The following PRR14 variants were observed in gnomAD, a reference collection of about 807,000 sequenced individuals.
The protein encoded by PRR14 is proline-rich protein 14.
In PRR14, 33 loss-of-function variants were observed where a neutral mutation model predicts 57.2. The ratio of observed to expected loss-of-function variants is 0.58; its 90% confidence interval spans 0.44 to 0.77. The LOEUF (loss-of-function observed/expected upper bound fraction) is 0.77, where lower values mean the gene tolerates loss of function less well. Ranked by LOEUF, PRR14 falls within the 30% of genes least tolerant of loss-of-function variation. PRR14 has a pLI of 0.00. For synonymous variants in PRR14, 303 were observed against 314.7 expected, an observed-to-expected ratio of 0.96 and a Z score of 0.39; for missense variants, 716 against 788.1, an observed-to-expected ratio of 0.91 and a Z score of 1.10.
At position 30,656,205 on chromosome 16, in the gene PRR14, C is replaced by T. The variant is rs1179927829; in HGVS notation, c.1652C>T (p.Ala551Val). ...AGGRTVPPNV[A>V]PSPDVGPLLQ... is the part of the protein sequence containing the mutation. ...GGCAGGACTGTTCCTCCCAATGTGG[C>T]CCCCAGCCCTGATGTGGGCCCCCTG... The change falls in exon 12 of 12, where the codon GCC becomes GTC. Residue 551 changes from alanine to valine, a missense_variant. Coordinates refer to ENST00000300835, the MANE Select transcript of PRR14 (RefSeq NM_024031.5). The T allele has an allele frequency of 1.2e-6, 2 of 1,611,866 alleles. No homozygotes were observed. Among genetic ancestry groups the T allele is most frequent in the Non-Finnish European group, 1.7e-6 (2 of 1,179,308 alleles).
Position 30,652,759 on chromosome 16 carries a change from G to C in PRR14, c.231G>C (p.Gln77His), listed in dbSNP as rs748595057. 6.2e-7 allele frequency: 1 copy of C among 1,614,160 alleles called. No individual in the cohort carries two copies. Among genetic ancestry groups the C allele is most frequent in the Non-Finnish European group, 8.5e-7 (1 of 1,180,032 alleles). The change falls in exon 4 of 12, where the codon CAG becomes CAC. Residue 77 changes from glutamine to histidine, a missense_variant. Transcript: ENST00000300835. ...VVPSKQTSIP[Q>H]HHSYHQDPVH... The stretch of plus-strand genomic sequence containing the variant: ...CCTCAAAGCAGACCTCCATACCACA[G>C]CACCACAGCTACCATCAGGATCCTG...
At position 30,656,204 on chromosome 16, in the gene PRR14, GC is replaced by G; in HGVS notation, c.1656del (p.Ser553AlafsTer15). On this transcript the variant is annotated frameshift_variant, in exon 12 of 12. Transcript: ENST00000300835. LOFTEE classifies it low-confidence loss of function (END_TRUNC). ...AGGRTVPPNV[A>X]PSPDVGPLLQ... ...GGGCAGGACTGTTCCTCCCAATGTGGCCCCCAGCCCTGATGTGGGCCCCCTG... is the reference window on the plus strand; with the variant it reads ...GGGCAGGACTGTTCCTCCCAATGTGGCCCCAGCCCTGATGTGGGCCCCCTG... 1 of 1,612,072 alleles carries G rather than the reference GC, an allele frequency of 6.2e-7. No individual in the cohort carries two copies. Among genetic ancestry groups the G allele is most frequent in the Non-Finnish European group, 8.5e-7 (1 of 1,179,382 alleles).
chr16:30,651,671 G>A lies in PRR14; in HGVS notation c.23+3G>A. 1 of 1,611,700 alleles carries A rather than the reference G, an allele frequency of 6.2e-7. No individual in the cohort carries two copies. Among genetic ancestry groups the A allele is most frequent in the Non-Finnish European group, 8.5e-7 (1 of 1,179,508 alleles). On this transcript the variant is annotated splice_donor_region_variant and intron_variant, in intron 2 of 11. Transcript: ENST00000300835. This position sits in a 1 kb window ranked among gnomAD's most constrained non-coding sequence, Gnocchi z 5.0. ...ATGGACTTGCCCGGGGACTCCAGGT[G>A]AGAGCGTACCCGGGCGGCCCGCCTG...
Position 30,653,093 on chromosome 16 carries a change from C to T in PRR14, c.494C>T (p.Pro165Leu). 4 of 1,605,452 alleles carry T rather than the reference C, an allele frequency of 2.5e-6. No individual in the cohort carries two copies. In the Middle Eastern group the frequency reaches 5.0e-4, roughly 201 times the overall value. The change falls in exon 5 of 12, where the codon CCC becomes CTC. Residue 165 changes from proline to leucine, a missense_variant. Pro to Leu is a moderately conservative substitution (Grantham distance 98). Coordinates refer to ENST00000300835, the MANE Select transcript of PRR14 (RefSeq NM_024031.5). ...VMLEDIASPR[P>L]PAEGFIDETP... is the part of the protein sequence containing the mutation. ...CTGGAAGACATCGCCAGTCCTAGAC[C>T]CCCCGCTGAGGTATGGGAACTGAGG...
chr16:30,656,300 C>T lies in PRR14; in HGVS notation c.1747C>T (p.His583Tyr). ...EEETVDREQPHWT is the reference protein window; with the variant it reads ...EEETVDREQPYWT ...AGAAACAGTAGATCGGGAGCAGCCC[C>T]ACTGGACCTAGGTGCCCCATCTGTT... Residue 583 changes from histidine to tyrosine, a missense_variant, in exon 12 of 12, where the codon CAC (histidine) becomes TAC (tyrosine). Transcript: ENST00000300835. 1 of 1,611,896 alleles carries T rather than the reference C, an allele frequency of 6.2e-7. No homozygotes were observed. Among genetic ancestry groups the T allele is most frequent in the South Asian group, 1.1e-5 (1 of 90,996 alleles).
chr16:30,651,575 C>T lies in PRR14; in HGVS notation c.-50-21C>T. 9.6e-7 allele frequency: 1 copy of T among 1,044,806 alleles called. No individual in the cohort carries two copies. Among genetic ancestry groups the T allele is most frequent in the Non-Finnish European group, 1.4e-6 (1 of 738,820 alleles). 64.7% of individuals were successfully genotyped at this position (1,044,806 alleles called of 1,614,324 possible). A position where few individuals can be genotyped will look rare whatever the true frequency, so the allele number is the denominator to read the frequency against. On this transcript the variant is annotated intron_variant, in intron 1 of 11. Transcript: ENST00000300835. The surrounding 1 kb of genome is among the most constrained non-coding windows in gnomAD (Gnocchi z 5.0). ...GGGGCCGGCCCTCACCCCCCGCTCC[C>T]CCGCTCCCCCCTTACCCCAGGCCGC...
chr16:30,653,000 C>A lies in PRR14; in HGVS notation c.401C>A (p.Thr134Asn), dbSNP rs1207598383. The A allele has an allele frequency of 1.7e-5, 27 of 1,614,158 alleles. No homozygotes were observed. The highest frequency in any genetic ancestry group is 2.1e-5 in the Non-Finnish European group (25 of 1,180,012). ...ACCCTGAGGCGGCGATCAAGGACAA[C>A]CCCTGGCCCAGAGGAGGGCCCTTCA... ...SSTLRRRSRT[T>N]PGPEEGPSQK... Residue 134 changes from threonine (T) to asparagine (N), a missense_variant, in exon 5 of 12, where the codon ACC (threonine) becomes AAC (asparagine). Coordinates refer to ENST00000300835, the MANE Select transcript of PRR14 (RefSeq NM_024031.5).
chr16:30,655,133 G>T lies in PRR14; in HGVS notation c.1163G>T (p.Gly388Val). 1.2e-6 allele frequency: 2 copies of T among 1,610,676 alleles called. No homozygotes were observed. Among genetic ancestry groups the T allele is most frequent in the South Asian group, 1.1e-5 (1 of 90,970 alleles). The change falls in exon 8 of 12, where the codon GGA (glycine) becomes GTA (valine). Residue 388 changes from glycine to valine, a missense_variant. By Grantham distance (109) the Gly-to-Val change is moderately radical. Transcript: ENST00000300835. The surrounding 1 kb of genome is among the most constrained non-coding windows in gnomAD (Gnocchi z 4.6). Reference protein sequence around the residue: ...PCLRKEVFPLGGVGASPSLTT... With the variant: ...PCLRKEVFPLVGVGASPSLTT... ...CTCCGGAAAGAGGTCTTCCCTCTCGGAGGAGTGGGAGCCTCCCCTTCTCTC... is the reference window on the plus strand; with the variant it reads ...CTCCGGAAAGAGGTCTTCCCTCTCGTAGGAGTGGGAGCCTCCCCTTCTCTC...
chr16:30,650,820 G>A (rs1596602107), upstream of PRR14: 1 of 317,566 alleles, frequency 3.1e-6, no homozygotes, highest in Non-Finnish European at 6.7e-6. Context: ...AGCAGCCCTT[G>A]GGGGAGGGCA....
rs1409763519 is a variant in PRR14 at position 30,654,779 on chromosome 16, C to T, written c.809C>T (p.Thr270Ile). Reference sequence around the variant, plus strand: ...GACATCTTCCTCACGCCCAACAAAACCCCACAGCCCCCACCCCCGTCCCCC... The same window carrying T: ...GACATCTTCCTCACGCCCAACAAAATCCCACAGCCCCCACCCCCGTCCCCC... ...FADIFLTPNK[T>I]PQPPPPSPPM... The change falls in exon 8 of 12, where the codon ACC (threonine) becomes ATC (isoleucine). Residue 270 changes from threonine to isoleucine, a missense_variant. Coordinates refer to ENST00000300835, the MANE Select transcript of PRR14 (RefSeq NM_024031.5). 1 of 1,609,586 alleles carries T rather than the reference C, an allele frequency of 6.2e-7. No homozygotes were observed. Among genetic ancestry groups the T allele is most frequent in the Admixed American group, 1.7e-5 (1 of 59,964 alleles).
Position 30,656,067 on chromosome 16 carries a change from G to T in PRR14, c.1514G>T (p.Arg505Leu). The part of the protein sequence containing the change: ...FETIFEEPRE[R>L]NGTLIFTSSR... ...ACCATCTTTGAGGAACCCCGGGAGCGCAATGGGACTCTGATTTTCACCAGC... is the reference window on the plus strand; with the variant it reads ...ACCATCTTTGAGGAACCCCGGGAGCTCAATGGGACTCTGATTTTCACCAGC... The change falls in exon 12 of 12, where the codon CGC (arginine) becomes CTC (leucine). Residue 505 changes from arginine to leucine, a missense_variant. By Grantham distance (102) the Arg-to-Leu change is moderately radical. Transcript: ENST00000300835. 1 of 1,551,182 alleles carries T rather than the reference G, an allele frequency of 6.4e-7. No individual in the cohort carries two copies. The highest frequency in any genetic ancestry group is 2.2e-5 in the East Asian group (1 of 44,458).
rs774794200 is a variant in PRR14, at chr16:30,655,113, G to A, written c.1143G>A (p.Arg381=). The A allele has an allele frequency of 1.2e-6, 2 of 1,611,868 alleles. No homozygotes were observed. The highest frequency in any genetic ancestry group is 1.7e-5 in the Admixed American group (1 of 59,992). Residue 381 remains arginine, a synonymous_variant, in exon 8 of 12, where the codon CGG becomes CGA. Coordinates refer to ENST00000300835, the MANE Select transcript of PRR14 (RefSeq NM_024031.5). The surrounding 1 kb of genome is among the most constrained non-coding windows in gnomAD (Gnocchi z 4.6). The part of the protein sequence containing the change: ...RAPPPPRPCL[R]KEVFPLGGVG... ...CGCCACCCCCTCGGCCCTGTCTCCG[G>A]AAAGAGGTCTTCCCTCTCGGAGGAG...
At position 30,651,630 on chromosome 16, in the gene PRR14, A is replaced by T; in HGVS notation, c.-16A>T. 1 of 1,385,018 alleles carries T rather than the reference A, an allele frequency of 7.2e-7. No individual in the cohort carries two copies. The highest frequency in any genetic ancestry group is 9.6e-7 in the Non-Finnish European group (1 of 1,039,334). 85.8% of individuals were successfully genotyped at this position (1,385,018 alleles called of 1,614,324 possible). On this transcript the variant is annotated 5_prime_UTR_variant, in exon 2 of 12. Coordinates refer to ENST00000300835, the MANE Select transcript of PRR14 (RefSeq NM_024031.5). This position sits in a 1 kb window ranked among gnomAD's most constrained non-coding sequence, Gnocchi z 5.0. Reference sequence around the variant, plus strand: ...TGGGATTCCCCAGGGACCCCCCCGGAGCCGCCGCGTCTCCCATGGACTTGC... The same window carrying T: ...TGGGATTCCCCAGGGACCCCCCCGGTGCCGCCGCGTCTCCCATGGACTTGC...
Position 30,654,340 on chromosome 16 carries a change from G to A in PRR14, c.658+1G>A. The A allele has an allele frequency of 6.2e-7, 1 of 1,608,780 alleles. No homozygotes were observed. The highest frequency in any genetic ancestry group is 8.5e-7 in the Non-Finnish European group (1 of 1,175,136). ...GACCCTCTGGAGAGCCCACCAACAG[G>A]TAAGGACTTGGGTAGAGATCGGATG... On this transcript the variant is annotated splice_donor_variant, in intron 7 of 11. Transcript: ENST00000300835. LOFTEE classifies it high-confidence loss of function.
Position 30,655,233 on chromosome 16 carries a change from C to T in PRR14, c.1244+19C>T. 2.5e-6 allele frequency: 4 copies of T among 1,589,590 alleles called. No homozygotes were observed. The highest frequency in any genetic ancestry group is 3.4e-6 in the Non-Finnish European group (4 of 1,165,788). On this transcript the variant is annotated intron_variant, in intron 8 of 11. Coordinates refer to ENST00000300835, the MANE Select transcript of PRR14 (RefSeq NM_024031.5). This position sits in a 1 kb window ranked among gnomAD's most constrained non-coding sequence, Gnocchi z 4.6. Reference sequence around the variant, plus strand: ...AACCCAGGTAGTGCTCTCAAAAAACCCCCTTGAAGCCTGGCTGCAGCCTGG... The same window carrying T: ...AACCCAGGTAGTGCTCTCAAAAAACTCCCTTGAAGCCTGGCTGCAGCCTGG...
At position 30,654,236 on chromosome 16, in the gene PRR14, G is replaced by A; in HGVS notation, c.555G>A (p.Glu185=). The stretch of plus-strand genomic sequence containing the variant: ...ACCTTGCCCTTCACCCCAGAGCTGA[G>A]CCCATGAGGATAGTTCGCCAGCCAA... ...PNFIIPAQRA[E]PMRIVRQPTP... is the part of the protein sequence containing the mutation. Residue 185 remains glutamate (E), a synonymous_variant, in exon 7 of 12, where the codon GAG becomes GAA. Transcript: ENST00000300835. The A allele has an allele frequency of 6.2e-7, 1 of 1,613,826 alleles. No individual in the cohort carries two copies. Among genetic ancestry groups the A allele is most frequent in the Non-Finnish European group, 8.5e-7 (1 of 1,179,792 alleles).
Position 30,651,763 on chromosome 16 carries a change from G to T in PRR14, c.24-33G>T. 1.2e-6 allele frequency: 2 copies of T among 1,609,404 alleles called. No homozygotes were observed. The highest frequency in any genetic ancestry group is 1.7e-6 in the Non-Finnish European group (2 of 1,179,822). On this transcript the variant is annotated intron_variant, in intron 2 of 11. Transcript: ENST00000300835. This position sits in a 1 kb window ranked among gnomAD's most constrained non-coding sequence, Gnocchi z 5.0. ...AAACTACAGAGCCAGCGACAGGTTCGGGCGACCGTCCTCTGCTTCTTTCAC... is the reference window on the plus strand; with the variant it reads ...AAACTACAGAGCCAGCGACAGGTTCTGGCGACCGTCCTCTGCTTCTTTCAC...
In PRR14 at chr16:30,654,786, G is replaced by GCCCCCCCCCCCCC; in HGVS notation, c.821_822insCCCCCCCCCCCCC (p.Ser277ProfsTer26). The GCCCCCCCCCCCCC allele has an allele frequency of 6.4e-7, 1 of 1,568,094 alleles. No homozygotes were observed. Among genetic ancestry groups the GCCCCCCCCCCCCC allele is most frequent in the Non-Finnish European group, 8.7e-7 (1 of 1,145,208 alleles). On this transcript the variant is annotated frameshift_variant, in exon 8 of 12. Coordinates refer to ENST00000300835, the MANE Select transcript of PRR14 (RefSeq NM_024031.5). LOFTEE classifies it high-confidence loss of function. ...TCCTCACGCCCAACAAAACCCCACAGCCCCCACCCCCGTCCCCCCCAATGA... is the reference window on the plus strand; with the variant it reads ...TCCTCACGCCCAACAAAACCCCACAGCCCCCCCCCCCCCCCCCCACCCCCGTCCCCCCCAATGA...
chr16:30,655,613 T>C lies in PRR14; in HGVS notation c.1406+20T>C. 1 of 1,605,354 alleles carries C rather than the reference T, an allele frequency of 6.2e-7. No individual in the cohort carries two copies. The highest frequency in any genetic ancestry group is 8.5e-7 in the Non-Finnish European group (1 of 1,172,182). ...AATCAGGTGAGGGGCTCACTGGGCA[T>C]TGAGCCATCTTGGCCAAACAGATGC... On this transcript the variant is annotated intron_variant, in intron 10 of 11. Coordinates refer to ENST00000300835, the MANE Select transcript of PRR14 (RefSeq NM_024031.5). This position sits in a 1 kb window ranked among gnomAD's most constrained non-coding sequence, Gnocchi z 4.6.
Sources: gnomAD v4.1 joint callset for allele counts on GRCh38, gnomAD v4.1.1 for gene constraint, Gnocchi (gnomAD v3.1) non-coding constraint, MANE v1.5 for transcripts, NCBI Gene and HGNC (gene_info 2026-07-23, HGNC 2026-07-21) for gene names.